SATL1: variants seen among roughly 807,000 people sequenced by gnomAD.
SATL1 encodes spermidine/spermine N(1)-acetyltransferase-like protein 1.
In SATL1, 47 loss-of-function variants were observed where a neutral mutation model predicts 51.8. The ratio of observed to expected loss-of-function variants is 0.91; its 90% confidence interval spans 0.72 to 1.16. The LOEUF (loss-of-function observed/expected upper bound fraction) is 1.16, where lower values mean the gene tolerates loss of function less well. Ranked by LOEUF, SATL1 falls within the 50% of genes most tolerant of loss-of-function variation. The pLI is 0.00. For missense variants in SATL1, 520 were observed against 526.4 expected (o/e 0.99, Z 0.12); for synonymous variants, 176 against 182.4 (o/e 0.97, Z 0.28).
At chrX:85,194,171 C>A (rs1168954985) in intron 2 of SATL1, among the ~76,000 whole-genome samples, 1 of 112,040 alleles carries the variant, frequency 8.9e-6, no homozygotes, top group Non-Finnish European at 1.9e-5. Context: ...TACAACCTTG[C>A]CAGCATCTGT....
chrX:85,181,563 C>T (rs1347506069), intron 2 of SATL1, among the ~76,000 whole-genome samples: 1 of 110,553 alleles, frequency 9.0e-6, no homozygotes, highest in Non-Finnish European at 1.9e-5. Flanking sequence ...GTGTTAGTCA[C>T]CAGTCCCTCT....
chrX:85,109,048 G>T lies in SATL1; in HGVS notation c.-80C>A. On this transcript the variant is annotated 5_prime_UTR_variant, in exon 3 of 8. Coordinates refer to ENST00000644105, the MANE Select transcript of SATL1 (RefSeq NM_001367857.2). ...GCAGACAACTGATTGGCTGATGGCT[G>T]TCTTGATGGAACAGAATCCCTTAAC... 3.2e-6 allele frequency: 3 copies of T among 925,544 alleles called. No individual in the cohort carries two copies. Among genetic ancestry groups the T allele is most frequent in the East Asian group, 3.4e-5 (1 of 29,619 alleles). 76.3% of individuals were successfully genotyped at this position (925,544 alleles called of 1,213,427 possible). A position where few individuals can be genotyped will look rare whatever the true frequency, so the allele number is the denominator to read the frequency against.
At chrX:85,141,427 A>G (rs775391688) in intron 2 of SATL1, among the ~76,000 whole-genome samples, 2 of 111,978 alleles carry the variant, frequency 1.8e-5, no homozygotes, top group Non-Finnish European at 3.8e-5. Context: ...AACTACACCC[A>G]TAGTATATTG....
At chrX:85,208,780 G>A (rs1265894918) in intron 2 of SATL1, 22 of 111,553 alleles carry the variant, frequency 2.0e-4, no homozygotes, top group African/African-American at 7.2e-4. Context: ...TGAGTTCTTT[G>A]TAGATTCTGG....
At chrX:85,200,252 C>A (rs968786591) in intron 2 of SATL1, among the ~76,000 whole-genome samples, 1 of 111,467 alleles carries the variant, frequency 9.0e-6, no homozygotes, top group Non-Finnish European at 1.9e-5. Flanking sequence ...CTTCCCTTCC[C>A]CCAGAACTAT....
intron 1 of SATL1, among the ~76,000 whole-genome samples, chrX:85,238,142 A>T (rs73627335): frequency 0.019 from 2,147 of 111,495 alleles, 48 homozygotes; most frequent in African/African-American, 0.066. Flanking sequence ...ACTATAAAGA[A>T]CACTTTGGAG....
At chrX:85,155,148 T>A (rs1338291613) in intron 2 of SATL1, among the ~76,000 whole-genome samples, 1 of 111,784 alleles carries the variant, frequency 8.9e-6, no homozygotes, top group Non-Finnish European at 1.9e-5. Context: ...TATATAGGCA[T>A]AAAATCAATG....
At chrX:85,226,040 G>C (rs1928272579) in intron 1 of SATL1, among the ~76,000 whole-genome samples, 1 of 109,732 alleles carries the variant, frequency 9.1e-6, no homozygotes, top group Admixed American at 9.8e-5. Context: ...CTTTATCTCT[G>C]TTTACTTCAG....
intron 2 of SATL1, among the ~76,000 whole-genome samples, chrX:85,131,749 G>T (rs1925809791): frequency 9.0e-6 from 1 of 111,649 alleles, no homozygotes; most frequent in South Asian, 3.7e-4. Context: ...AGCATCAATG[G>T]TCTTTACAAT....
chrX:85,211,053 T>C (rs192722085), intron 2 of SATL1: 286 of 111,717 alleles, frequency 2.6e-3, no homozygotes, highest in African/African-American at 8.8e-3. Context: ...TTAGGAGTAG[T>C]TCATGGTATA....
Position 85,135,371 on chromosome X carries a change from G to A in SATL1, c.-312-26091C>T, listed in dbSNP as rs184886839. On this transcript the variant is annotated intron_variant, in intron 2 of 7. Transcript: ENST00000644105. ...AACTTCAAATATTTTCTAAGTGATA[G>A]TCTTGTGCTGCAGAAGTGAAATGTG... Among the ~76,000 whole-genome samples, 13 of 111,212 alleles carry A rather than the reference G, an allele frequency of 1.2e-4. No individual in the cohort carries two copies. The East Asian group carries it at 2.5e-3, about 22-fold the overall frequency.
At chrX:85,217,537 A>G (rs1348407219) in intron 2 of SATL1, among the ~76,000 whole-genome samples, 1 of 111,647 alleles carries the variant, frequency 9.0e-6, no homozygotes, top group African/African-American at 3.3e-5. Context: ...AGCCGTGGAA[A>G]AGGTTCATCT....
intron 2 of SATL1, among the ~76,000 whole-genome samples, chrX:85,189,618 G>C: frequency 8.9e-6 from 1 of 112,130 alleles, no homozygotes; most frequent in South Asian, 3.7e-4. Flanking sequence ...TGAAATTTAT[G>C]CTAATATCCA....
intron 1 of SATL1, among the ~76,000 whole-genome samples, chrX:85,242,673 A>G (rs1928648698): frequency 8.9e-6 from 1 of 112,255 alleles, no homozygotes; most frequent in African/African-American, 3.2e-5. Flanking sequence ...GCACACGAGC[A>G]TGCTCCTTCT....
chrX:85,227,097 A>T (rs1326311832), intron 1 of SATL1, among the ~76,000 whole-genome samples: 1 of 111,488 alleles, frequency 9.0e-6, no homozygotes, highest in Non-Finnish European at 1.9e-5. Flanking sequence ...GGTGATTTTT[A>T]AAAAGCATAC....
At chrX:85,141,227 T>C (rs1001926201) in intron 2 of SATL1, among the ~76,000 whole-genome samples, 1 of 111,541 alleles carries the variant, frequency 9.0e-6, no homozygotes, top group Non-Finnish European at 1.9e-5. Context: ...AATTGTTCCA[T>C]GTGGCCACTC....
intron 2 of SATL1, among the ~76,000 whole-genome samples, chrX:85,139,346 G>A (rs1926051767): frequency 9.0e-6 from 1 of 110,961 alleles, no homozygotes; most frequent in African/African-American, 3.3e-5. Context: ...CAACCTCATT[G>A]GGTTATTGTG....
chrX:85,182,101 T>G (rs765984380), intron 2 of SATL1, among the ~76,000 whole-genome samples: 11 of 111,532 alleles, frequency 9.9e-5, no homozygotes, highest in African/African-American at 3.2e-4. Flanking sequence ...TATTGAAAAT[T>G]TTTGATATCC....
chrX:85,199,642 A>G (rs1927649300), intron 2 of SATL1, among the ~76,000 whole-genome samples: 1 of 112,188 alleles, frequency 8.9e-6, no homozygotes, highest in Non-Finnish European at 1.9e-5. Context: ...ATGGAACTGG[A>G]TATCATTATG....
Sources: allele counts gnomAD v4.1 joint callset (sites outside exome capture counted in the v4.1 genomes callset), GRCh38; gene constraint gnomAD v4.1.1; transcripts MANE v1.5; gene names NCBI Gene and HGNC (gene_info 2026-07-23, HGNC 2026-07-21).